The following MAN1A1 variants were observed in gnomAD, a reference collection of about 807,000 sequenced individuals.
MAN1A1 encodes the protein mannosyl-oligosaccharide 1,2-alpha-mannosidase IA.
MAN1A1 carries 29 observed loss-of-function variants against 70.8 expected under a neutral mutation model. That is an observed-to-expected ratio of 0.41 (90% CI 0.31 to 0.56). The LOEUF (loss-of-function observed/expected upper bound fraction) is 0.56, where lower values mean the gene tolerates loss of function less well. MAN1A1 is among the 20% of genes least tolerant of loss of function. MAN1A1 has a pLI of 0.29. For synonymous variants in MAN1A1, 349 were observed against 330.1 expected (o/e 1.06, Z -0.62); for missense variants, 747 against 841.3 (o/e 0.89, Z 1.39).
intron 6 of MAN1A1, among the ~76,000 whole-genome samples, chr6:119,219,838 G>T (rs892145544): frequency 7.2e-5 from 11 of 151,772 alleles, no homozygotes; most frequent in Non-Finnish European, 1.3e-4. Context: ...TCTAGAAAAA[G>T]GTAATAAAAG....
intron 5 of MAN1A1, among the ~76,000 whole-genome samples, chr6:119,278,340 C>T (rs568015039): frequency 6.6e-6 from 1 of 152,310 alleles, no homozygotes; most frequent in African/African-American, 2.4e-5. Context: ...CTACTGCCAA[C>T]TCTAATTATC....
intron 6 of MAN1A1, among the ~76,000 whole-genome samples, chr6:119,232,042 T>C (rs1287347288): frequency 1.3e-5 from 2 of 152,076 alleles, no homozygotes; most frequent in Admixed American, 6.5e-5. Context: ...TTCTGGTAGG[T>C]ACGTAGAATT....
chr6:119,341,884 G>A (rs1193512445), intron 2 of MAN1A1, among the ~76,000 whole-genome samples: 5 of 152,200 alleles, frequency 3.3e-5, no homozygotes, highest in Non-Finnish European at 5.9e-5. Context: ...GGGGTGCCGA[G>A]GTGGGAGGAC....
At position 119,299,191 on chromosome 6, in the gene MAN1A1, A is replaced by G. The variant is rs554265560; in HGVS notation, c.816+2797T>C. On this transcript the variant is annotated intron_variant, in intron 4 of 12. Coordinates refer to ENST00000368468, the MANE Select transcript of MAN1A1 (RefSeq NM_005907.4). ...CTAATGTGACATATTAAAACCAACT[A>G]GAATACAGTAAGCTGGAAAACTTCA... 1.9e-4 allele frequency among the ~76,000 whole-genome samples: 29 copies of G among 152,280 alleles called. No homozygotes were observed. The South Asian group carries it at 5.8e-3, about 30-fold the overall frequency.
At chr6:119,303,863 C>T (rs1487491864) in intron 3 of MAN1A1, among the ~76,000 whole-genome samples, 1 of 152,196 alleles carries the variant, frequency 6.6e-6, no homozygotes, top group East Asian at 1.9e-4. Flanking sequence ...TCTTCCCAGC[C>T]TCAAGTCTGA....
intron 2 of MAN1A1, among the ~76,000 whole-genome samples, chr6:119,338,353 T>A (rs1773516924): frequency 6.6e-6 from 1 of 151,796 alleles, no homozygotes; most frequent in Non-Finnish European, 1.5e-5. Context: ...AAGCCCAAAC[T>A]TCACACACAA....
chr6:119,256,644 G>GCACA (rs1256585969), intron 5 of MAN1A1, among the ~76,000 whole-genome samples: 2 of 152,064 alleles, frequency 1.3e-5, no homozygotes, highest in Non-Finnish European at 2.9e-5. Context: ...CTGGGAACAG[G>GCACA]CACACTGAAC....
chr6:119,219,947 T>C (rs886923054), intron 6 of MAN1A1, among the ~76,000 whole-genome samples: 10 of 149,034 alleles, frequency 6.7e-5, no homozygotes, highest in African/African-American at 2.5e-4. Context: ...TTTTTTTTTT[T>C]CCTCAAAGGA....
chr6:119,204,085 C>T (rs897609793), intron 7 of MAN1A1, among the ~76,000 whole-genome samples: 4 of 152,020 alleles, frequency 2.6e-5, no homozygotes, highest in Admixed American at 2.0e-4. Flanking sequence ...ATGCCAAGCG[C>T]GAAGTGTATC....
At chr6:119,185,605 C>T (rs1582676176) in intron 11 of MAN1A1, among the ~76,000 whole-genome samples, 1 of 152,154 alleles carries the variant, frequency 6.6e-6, no homozygotes, top group South Asian at 2.1e-4. Context: ...GAGTTGGAGT[C>T]TTGCTCTGTC....
At chr6:119,261,909 G>A (rs1431541192) in intron 5 of MAN1A1, among the ~76,000 whole-genome samples, 1 of 152,230 alleles carries the variant, frequency 6.6e-6, no homozygotes, top group African/African-American at 2.4e-5. Context: ...CTAAAAGAAA[G>A]AGTGAGATAG....
At chr6:119,187,177 T>C (rs62418805) in intron 11 of MAN1A1, among the ~76,000 whole-genome samples, 66,453 of 151,976 alleles carry the variant, frequency 0.44, 15,755 homozygotes, top group Non-Finnish European at 0.54. Flanking sequence ...ACTTAATTGG[T>C]AGTGTTATTT....
chr6:119,252,661 A>G (rs1405993200), intron 5 of MAN1A1, among the ~76,000 whole-genome samples: 1 of 152,108 alleles, frequency 6.6e-6, no homozygotes, highest in Non-Finnish European at 1.5e-5. Flanking sequence ...GCGTGGTGGT[A>G]CATGGCTGCA....
At chr6:119,189,596 A>G in intron 10 of MAN1A1, 68 bp downstream of exon 10, 3 of 1,435,054 alleles carry the variant, frequency 2.1e-6, no homozygotes, top group Non-Finnish European at 2.0e-6. Flanking sequence ...TGAGGGCAGC[A>G]ATGACAAAAC....
chr6:119,302,134 T>C (rs760942194), intron 3 of MAN1A1, 31 bp from the exon 4 acceptor site: 4 of 1,080,230 alleles, frequency 3.7e-6, no homozygotes, highest in Middle Eastern at 2.1e-4. Flanking sequence ...TTTGATAAAA[T>C]ACTTTGCCTA....
At chr6:119,210,384 A>G (rs1774014422) in intron 6 of MAN1A1, among the ~76,000 whole-genome samples, 1 of 152,200 alleles carries the variant, frequency 6.6e-6, no homozygotes, top group African/African-American at 2.4e-5. Context: ...AACTGATGAA[A>G]AAGCAGTTTG....
intron 3 of MAN1A1, among the ~76,000 whole-genome samples, chr6:119,303,944 T>C (rs1404790244): frequency 6.6e-6 from 1 of 152,234 alleles, no homozygotes; most frequent in East Asian, 1.9e-4. Context: ...TTCACTGAAC[T>C]TCATCCTTGT....
chr6:119,190,259 A>C (rs1407901635), intron 9 of MAN1A1, among the ~76,000 whole-genome samples: 1 of 152,198 alleles, frequency 6.6e-6, no homozygotes, highest in Non-Finnish European at 1.5e-5. Context: ...CCAGGCCCTA[A>C]GGTGGATGAA....
chr6:119,180,310 A>C lies in MAN1A1; in HGVS notation c.1835+2T>G. ...CATGGTTTTAGAATAATTTTCACCT[A>C]CTTCAATGTCTCTGCCAGGAAGAAA... On this transcript the variant is annotated splice_donor_variant, in intron 12 of 12. Coordinates refer to ENST00000368468, the MANE Select transcript of MAN1A1 (RefSeq NM_005907.4). LOFTEE classifies it high-confidence loss of function. 1 of 1,605,484 alleles carries C rather than the reference A, an allele frequency of 6.2e-7. No homozygotes were observed.
Sources: gnomAD v4.1 joint callset for allele counts (sites outside exome capture counted in the v4.1 genomes callset) on GRCh38, gnomAD v4.1.1 for gene constraint, MANE v1.5 for transcripts, NCBI Gene and HGNC (gene_info 2026-07-23, HGNC 2026-07-21) for gene names.